The following DLGAP1 variants were observed in gnomAD, a reference collection of about 807,000 sequenced individuals.
The protein encoded by DLGAP1 is DLG associated protein 1, also known as disks large-associated protein 1.
A neutral mutation model predicts 90.8 loss-of-function variants in DLGAP1; 11 were observed. That is an observed-to-expected ratio of 0.12 (90% CI 0.08 to 0.20). The LOEUF (loss-of-function observed/expected upper bound fraction) is 0.20. DLGAP1 is among the 10% of genes least tolerant of loss of function. The pLI is 1.00. For synonymous variants in DLGAP1, 558 were observed against 540.7 expected, an observed-to-expected ratio of 1.03 and a Z score of -0.44; for missense variants, 1,050 against 1,333.8, an observed-to-expected ratio of 0.79 and a Z score of 3.31.
chr18:4,452,089 T>C (rs954577564), intron 1 of DLGAP1, among the ~76,000 whole-genome samples: 1 of 152,154 alleles, frequency 6.6e-6, no homozygotes, highest in African/African-American at 2.4e-5. Flanking sequence ...GTGATTTCTA[T>C]AGAGATGAAA....
At position 3,504,777 on chromosome 18, in the gene DLGAP1, T is replaced by C. The variant is rs188505330; in HGVS notation, c.2572-2132A>G. Among the ~76,000 whole-genome samples, 72 of 152,258 alleles carry C rather than the reference T, an allele frequency of 4.7e-4. 1 individual carries two copies. The highest frequency in any genetic ancestry group is 8.2e-4 in the Non-Finnish European group (56 of 68,018). ...GCTCCCACATCATTAAGAAGATAGA[T>C]AGAGAAACAGAGAGAAAGCGTTTAG... On this transcript the variant is annotated intron_variant, in intron 11 of 12. Coordinates refer to ENST00000315677, the MANE Select transcript of DLGAP1 (RefSeq NM_004746.4).
intron 3 of DLGAP1, among the ~76,000 whole-genome samples, chr18:3,936,184 A>G (rs2072634416): frequency 6.6e-6 from 1 of 152,200 alleles, no homozygotes; most frequent in South Asian, 2.1e-4. Flanking sequence ...CACAGACAAT[A>G]AGAGTATTTC....
intron 1 of DLGAP1, among the ~76,000 whole-genome samples, chr18:4,314,396 T>G (rs371797023): frequency 6.6e-6 from 1 of 152,072 alleles, no homozygotes; most frequent in African/African-American, 2.4e-5. Flanking sequence ...AATTTGTAAT[T>G]TTTGTTATTT....
chr18:3,727,509 T>A lies in DLGAP1; in HGVS notation c.1591+1626A>T, dbSNP rs1459578292. The stretch of plus-strand genomic sequence containing the variant: ...TGGGCCAGGATCTGCATTTTACATA[T>A]TTAAGGAGCGATTTCAGCTGGCAGG... On this transcript the variant is annotated intron_variant, in intron 7 of 12. Transcript: ENST00000315677. This position sits in a 1 kb window ranked among gnomAD's most constrained non-coding sequence, Gnocchi z 4.7. Among the ~76,000 whole-genome samples, 2 of 152,082 alleles carry A rather than the reference T, an allele frequency of 1.3e-5. No individual in the cohort carries two copies. The highest frequency in any genetic ancestry group is 2.9e-5 in the Non-Finnish European group (2 of 68,010).
At position 3,729,005 on chromosome 18, in the gene DLGAP1, T is replaced by C; in HGVS notation, c.1591+130A>G. 1 of 1,367,564 alleles carries C rather than the reference T, an allele frequency of 7.3e-7. No homozygotes were observed. Among genetic ancestry groups the C allele is most frequent in the Non-Finnish European group, 9.7e-7 (1 of 1,032,420 alleles). The allele number at this position is 1,367,564 out of a possible 1,614,324, so 84.7% of individuals were successfully genotyped here. A position where few individuals can be genotyped will look rare whatever the true frequency, so the allele number is the denominator to read the frequency against. On this transcript the variant is annotated intron_variant, in intron 7 of 12. Transcript: ENST00000315677. This position sits in a 1 kb window ranked among gnomAD's most constrained non-coding sequence, Gnocchi z 6.2. ...GAGGCAGATAGGGAAGGAAAACCTT[T>C]GGTTTGTAGGACATGGGTGGTATCT...
intron 2 of DLGAP1, among the ~76,000 whole-genome samples, chr18:4,105,466 CTA>C (rs1474271379): frequency 6.6e-6 from 1 of 152,156 alleles, no homozygotes. Context: ...TAAATTTAGT[CTA>C]AATCTCACTT....
intron 2 of DLGAP1, among the ~76,000 whole-genome samples, chr18:4,082,841 C>T (rs193223500): frequency 5.9e-5 from 9 of 152,046 alleles, no homozygotes; most frequent in Admixed American, 2.6e-4. Context: ...GCTTCATTGA[C>T]GTGCCGCTGC....
rs570310068 is a variant in DLGAP1 at position 3,509,502 on chromosome 18, G to A, written c.2480-841C>T. Among the ~76,000 whole-genome samples, 15 of 152,288 alleles carry A rather than the reference G, an allele frequency of 9.8e-5. No individual in the cohort carries two copies. The East Asian group carries it at 2.9e-3, about 29-fold the overall frequency. Reference sequence around the variant, plus strand: ...TCTGCAGTGTCCCTGGGGCTCGCCTGCACCCTTTGGGACTGGGTGCAGCTG... The same window carrying A: ...TCTGCAGTGTCCCTGGGGCTCGCCTACACCCTTTGGGACTGGGTGCAGCTG... On this transcript the variant is annotated intron_variant, in intron 10 of 12. Transcript: ENST00000315677.
chr18:4,148,302 G>A (rs554771564), intron 2 of DLGAP1, among the ~76,000 whole-genome samples: 5 of 152,256 alleles, frequency 3.3e-5, no homozygotes, highest in African/African-American at 1.2e-4. Context: ...GGTAAGTGAG[G>A]TCAAAGAATA....
chr18:4,308,067 T>A (rs1037307067), intron 1 of DLGAP1, among the ~76,000 whole-genome samples: 3 of 152,144 alleles, frequency 2.0e-5, no homozygotes, highest in Non-Finnish European at 4.4e-5. Flanking sequence ...TGTCATCCCA[T>A]CTGAATGTTA....
At chr18:3,847,054 T>C (rs564896380) in intron 4 of DLGAP1, among the ~76,000 whole-genome samples, 1 of 152,352 alleles carries the variant, frequency 6.6e-6, no homozygotes, top group African/African-American at 2.4e-5. Context: ...CTTTTAAATA[T>C]ATTGATGTAT....
chr18:3,854,044 ATCT>A (rs1440437637), intron 4 of DLGAP1, among the ~76,000 whole-genome samples: 1 of 152,152 alleles, frequency 6.6e-6, no homozygotes, highest in Admixed American at 6.6e-5. Context: ...GATTTCTATT[ATCT>A]TCTTTATGTT....
chr18:4,021,139 G>A (rs532113801), intron 2 of DLGAP1, among the ~76,000 whole-genome samples: 1 of 152,270 alleles, frequency 6.6e-6, no homozygotes, highest in South Asian at 2.1e-4. Context: ...ACTGATTTGA[G>A]TAATAATAAA....
intron 2 of DLGAP1, among the ~76,000 whole-genome samples, chr18:4,099,702 C>CTTTTTTT (rs59311920): frequency 7.5e-6 from 1 of 133,854 alleles, no homozygotes; most frequent in African/African-American, 2.7e-5. Context: ...TCTTTTTTTA[C>CTTTTTTT]TTTTTTTTTT....
chr18:3,810,930 C>A (rs554600591), intron 5 of DLGAP1, among the ~76,000 whole-genome samples: 8 of 152,012 alleles, frequency 5.3e-5, no homozygotes, highest in Non-Finnish European at 7.4e-5. Context: ...CTCAGCCTCC[C>A]GAGTAGCTGG....
chr18:4,320,403 A>G (rs916872554), intron 1 of DLGAP1, among the ~76,000 whole-genome samples: 14 of 152,220 alleles, frequency 9.2e-5, no homozygotes, highest in African/African-American at 2.9e-4. Flanking sequence ...TTAGAGCTCT[A>G]TAAATGATAT....
chr18:3,974,576 G>T (rs913227696), intron 3 of DLGAP1, among the ~76,000 whole-genome samples: 7 of 152,274 alleles, frequency 4.6e-5, no homozygotes, highest in African/African-American at 9.6e-5. Flanking sequence ...CATGGCCACT[G>T]TTTGCTTTTC....
intron 4 of DLGAP1, 69 bp from the exon 5 acceptor site, chr18:3,814,342 T>C (rs2066987909): frequency 6.9e-7 from 1 of 1,449,880 alleles, no homozygotes; most frequent in African/African-American, 1.4e-5. Context: ...TTTTCTTTTT[T>C]TTTAGATTTA....
At chr18:3,506,016 C>T (rs1233948928) in intron 11 of DLGAP1, among the ~76,000 whole-genome samples, 1 of 152,140 alleles carries the variant, frequency 6.6e-6, no homozygotes, top group Non-Finnish European at 1.5e-5. Flanking sequence ...GAGGGTGGAT[C>T]ACCTGAGGTC....
Sources: gnomAD v4.1 joint callset for allele counts (sites outside exome capture counted in the v4.1 genomes callset) on GRCh38, gnomAD v4.1.1 for gene constraint, Gnocchi (gnomAD v3.1) non-coding constraint, MANE v1.5 for transcripts, NCBI Gene and HGNC (gene_info 2026-07-23, HGNC 2026-07-21) for gene names.